The following TSC2 variants were observed in gnomAD, a reference collection of about 807,000 sequenced individuals.
TSC2 encodes the protein tuberin.
Under a neutral mutation model 202.2 loss-of-function variants are expected in TSC2, and 29 were observed. The observed-to-expected ratio is 0.14, with a 90% CI of 0.11 to 0.20. TSC2 has a LOEUF of 0.20. Ranked by LOEUF, TSC2 falls within the 10% of genes least tolerant of loss-of-function variation. The pLI is 1.00. For synonymous variants in TSC2, 1,349 were observed against 1,044.0 expected (o/e 1.29, Z -5.63); for missense variants, 2,429 against 2,420.0 (o/e 1.00, Z -0.08).
chr16:2,050,360 C>G (rs751556581), intron 2 of TSC2, 40 bp from the exon 3 acceptor site: 1 of 1,595,912 alleles, frequency 6.3e-7, no homozygotes, highest in Non-Finnish European at 8.6e-7. Flanking sequence ...AGACCGTGGC[C>G]TGAGCACTGG....
chr16:2,052,536 C>T (rs1472953765), intron 3 of TSC2, among the ~76,000 whole-genome samples: 2 of 152,156 alleles, frequency 1.3e-5, no homozygotes, highest in Non-Finnish European at 2.9e-5. Context: ...TCTGAAACTC[C>T]TGGGCTGACG....
intron 24 of TSC2, 130 bp from the exon 25 acceptor site, chr16:2,076,361 G>T (rs1194322477): frequency 6.4e-7 from 1 of 1,574,540 alleles, no homozygotes; most frequent in Non-Finnish European, 8.6e-7. Context: ...ATTGAGGGGT[G>T]GGAGCTGGGT....
chr16:2,069,466 C>T (rs939530121), intron 16 of TSC2, among the ~76,000 whole-genome samples: 2 of 151,128 alleles, frequency 1.3e-5, no homozygotes, highest in African/African-American at 2.4e-5. Context: ...TACAGGCATG[C>T]ACCACCACAC....
chr16:2,074,944 G>A (rs1286465621), intron 22 of TSC2: 9 of 179,376 alleles, frequency 5.0e-5, no homozygotes, highest in East Asian at 2.6e-4. Context: ...GGCCAGGCGC[G>A]GTGGCTCAGG....
chr16:2,080,512 C>T (rs2089998093), intron 30 of TSC2, 135 bp downstream of exon 30: 6 of 1,048,746 alleles, frequency 5.7e-6, no homozygotes, highest in African/African-American at 1.6e-5. Flanking sequence ...GAGACAGAGT[C>T]TTGCTCTGTG....
chr16:2,088,114 C>T lies in TSC2; in HGVS notation c.5135C>T (p.Ala1712Val), dbSNP rs45517394. The change falls in exon 40 of 42, where the codon GCC (alanine) becomes GTC (valine). Residue 1712 changes from alanine (A) to valine (V), a missense_variant. Transcript: ENST00000219476. ...IVSDRNLPFV[A>V]RQMALHANMA... ...TCTGACCGCAACCTGCCCTTCGTGG[C>T]CCGCCAGATGGCCCTGCACGCAAAT... The T allele has an allele frequency of 6.2e-7, 1 of 1,612,974 alleles. No homozygotes were observed. Among genetic ancestry groups the T allele is most frequent in the Non-Finnish European group, 8.5e-7 (1 of 1,180,016 alleles).
At chr16:2,074,624 C>G (rs927384076) in intron 22 of TSC2, 5 of 593,188 alleles carry the variant, frequency 8.4e-6, no homozygotes, top group Non-Finnish European at 1.5e-5. Context: ...TTGAAGAAGC[C>G]TCTTCCCCCC....
In TSC2 at chr16:2,086,202, G is replaced by C. The variant is rs45517360; in HGVS notation, c.4672G>C (p.Glu1558Gln). 2 of 1,612,464 alleles carry C rather than the reference G, an allele frequency of 1.2e-6. No individual in the cohort carries two copies. The highest frequency in any genetic ancestry group is 1.1e-5 in the South Asian group (1 of 91,084). ...TCCCCTCTCCCCACAGAGCAACAGC[G>C]AGCTCGCCATCCTGTCCAATGAGCA... ...LYVGEGQSNS[E>Q]LAILSNEHGS... is the part of the protein sequence containing the mutation. The change falls in exon 37 of 42, where the codon GAG becomes CAG. Residue 1558 changes from glutamate (E) to glutamine (Q), a missense_variant. Physicochemically the swap from Glu to Gln is conservative, Grantham distance 29. Transcript: ENST00000219476.
chr16:2,079,215 G>A lies in TSC2; in HGVS notation c.3131+19G>A, dbSNP rs754157205. The A allele has an allele frequency of 1.9e-6, 3 of 1,612,766 alleles. No individual in the cohort carries two copies. Among genetic ancestry groups the A allele is most frequent in the Non-Finnish European group, 2.5e-6 (3 of 1,180,024 alleles). ...CGAAGAGGTCCAGGCGGCACTACAG[G>A]GCTGGGCGGGCCTGCGGGAGCTCCA... is the stretch of plus-strand genomic sequence containing the variant. On this transcript the variant is annotated intron_variant, in intron 27 of 41. Coordinates refer to ENST00000219476, the MANE Select transcript of TSC2 (RefSeq NM_000548.5). This position sits in a 1 kb window ranked among gnomAD's most constrained non-coding sequence, Gnocchi z 4.6.
intron 17 of TSC2, chr16:2,071,274 G>A (rs1227849757): frequency 3.4e-6 from 2 of 595,156 alleles, no homozygotes; most frequent in Non-Finnish European, 6.1e-6. Context: ...CTGTGGTGGT[G>A]GGGACACCAG....
intron 11 of TSC2, chr16:2,061,209 C>T: frequency 3.0e-6 from 1 of 330,742 alleles, no homozygotes. Flanking sequence ...TTAAGGAGGA[C>T]TCCACGGCCA....
rs759420443 is a variant in TSC2, at chr16:2,088,116, C to T, written c.5137C>T (p.Arg1713Cys). The T allele has an allele frequency of 6.2e-6, 10 of 1,612,828 alleles. No homozygotes were observed. Among genetic ancestry groups the T allele is most frequent in the African/African-American group, 1.3e-5 (1 of 74,930 alleles). The change falls in exon 40 of 42, where the codon CGC becomes TGC. Residue 1713 changes from arginine to cysteine, a missense_variant. Physicochemically the swap from Arg to Cys is radical, Grantham distance 180. Coordinates refer to ENST00000219476, the MANE Select transcript of TSC2 (RefSeq NM_000548.5). ...VSDRNLPFVA[R>C]QMALHANMAS... ...TGACCGCAACCTGCCCTTCGTGGCCCGCCAGATGGCCCTGCACGCAAATGT... is the reference window on the plus strand; with the variant it reads ...TGACCGCAACCTGCCCTTCGTGGCCTGCCAGATGGCCCTGCACGCAAATGT...
chr16:2,070,713 A>C (rs2088182988), intron 17 of TSC2, 135 bp downstream of exon 17: 2 of 1,435,668 alleles, frequency 1.4e-6, no homozygotes, highest in Non-Finnish European at 1.9e-6. Flanking sequence ...CTCTGCACCC[A>C]CTGTGGCCGC....
In TSC2 at chr16:2,088,454, G is replaced by C. The variant is rs755229386; in HGVS notation, c.5268G>C (p.Glu1756Asp). 13 of 1,612,794 alleles carry C rather than the reference G, an allele frequency of 8.1e-6. No individual in the cohort carries two copies. The highest frequency in any genetic ancestry group is 1.1e-5 in the Non-Finnish European group (13 of 1,180,018). The stretch of plus-strand genomic sequence containing the variant: ...GCCGCCTCTGCCTTCAGATCTGCGA[G>C]GAAGCCGCCTACTCCAACCCCAGCC... The part of the protein sequence containing the change: ...HIKRLRQRIC[E>D]EAAYSNPSLP... Residue 1756 changes from glutamate to aspartate, a missense_variant, in exon 42 of 42, where the codon GAG (glutamate) becomes GAC (aspartate). Transcript: ENST00000219476.
intron 9 of TSC2, among the ~76,000 whole-genome samples, chr16:2,057,762 C>T (rs574718491): frequency 1.3e-5 from 2 of 149,934 alleles, no homozygotes; most frequent in South Asian, 4.2e-4. Flanking sequence ...GGCCCTGGGG[C>T]CAGCCCTGCC....
intron 16 of TSC2, among the ~76,000 whole-genome samples, chr16:2,068,965 T>G (rs561312970): frequency 1.3e-5 from 2 of 151,946 alleles, no homozygotes; most frequent in South Asian, 4.2e-4. Context: ...TTCATTGTTG[T>G]CATCCTCATG....
intron 2 of TSC2, among the ~76,000 whole-genome samples, chr16:2,049,953 CTTTTTTTTTTT>C (rs34020463): frequency 7.4e-6 from 1 of 135,486 alleles, no homozygotes; most frequent in Non-Finnish European, 1.6e-5. Context: ...CTCAGTAAAT[CTTTTTTTTTTT>C]TTTTTTTTGA....
At position 2,081,793 on chromosome 16, in the gene TSC2, A is replaced by G. The variant is rs1304251276; in HGVS notation, c.3809A>G (p.Asn1270Ser). ...TAKPPPLPRS[N>S]TVASFSSLYQ... ...AAACCCCCTCCTCTGCCTCGCTCCA[A>G]CACAGGTGAGTGGCATGGCGGGCCT... is the stretch of plus-strand genomic sequence containing the variant. The change falls in exon 31 of 42, where the codon AAC becomes AGC. Residue 1270 changes from asparagine to serine, a missense_variant. Transcript: ENST00000219476. 5 of 1,612,260 alleles carry G rather than the reference A, an allele frequency of 3.1e-6. No individual in the cohort carries two copies. The highest frequency in any genetic ancestry group is 3.4e-6 in the Non-Finnish European group (4 of 1,179,964).
rs750649974 is a variant in TSC2 at position 2,056,740 on chromosome 16, G to A, written c.745G>A (p.Val249Ile). The A allele has an allele frequency of 4.3e-6, 7 of 1,611,292 alleles. No individual in the cohort carries two copies. Among genetic ancestry groups the A allele is most frequent in the Non-Finnish European group, 5.1e-6 (6 of 1,180,012 alleles). Residue 249 changes from valine (V) to isoleucine (I), a missense_variant, in exon 8 of 42, where the codon GTC (valine) becomes ATC (isoleucine). Transcript: ENST00000219476. The part of the protein sequence containing the change: ...FIVTLCRTIN[V>I]KELCEPCWKL... ...CGTTACCCTCTGTCGCACCATCAACGTCAAGGAGCTCTGCGAGCCTTGCTG... is the reference window on the plus strand; with the variant it reads ...CGTTACCCTCTGTCGCACCATCAACATCAAGGAGCTCTGCGAGCCTTGCTG...
Sources: gnomAD v4.1 joint callset for allele counts (sites outside exome capture counted in the v4.1 genomes callset) on GRCh38, gnomAD v4.1.1 for gene constraint, Gnocchi (gnomAD v3.1) non-coding constraint, MANE v1.5 for transcripts, NCBI Gene and HGNC (gene_info 2026-07-23, HGNC 2026-07-21) for gene names.